CEP63: variants seen among roughly 807,000 people sequenced by gnomAD.
The protein encoded by CEP63 is centrosomal protein of 63 kDa.
CEP63 carries 84 observed loss-of-function variants against 89.1 expected under a neutral mutation model. The observed-to-expected ratio is 0.94, with a 90% CI of 0.79 to 1.13. The LOEUF is 1.13. Ranked by LOEUF, CEP63 falls within the 50% of genes most tolerant of loss-of-function variation. The pLI, the probability that CEP63 is intolerant of heterozygous loss-of-function variation, is 0.00. For synonymous variants in CEP63, 267 were observed against 272.5 expected (o/e 0.98, Z 0.20); for missense variants, 838 against 813.3 (o/e 1.03, Z -0.37).
At chr3:134,680,367 G>A in the CEP63 span, among the ~76,000 whole-genome samples, 9 of 152,290 alleles carry the variant, frequency 5.9e-5, no homozygotes, top group South Asian at 1.2e-3. Context: ...CCAAAACAAA[G>A]GCCATTGGGG....
At chr3:134,525,649 A>G (rs540311458) in intron 3 of CEP63, among the ~76,000 whole-genome samples, 93 of 152,208 alleles carry the variant, frequency 6.1e-4, no homozygotes, top group Middle Eastern at 3.4e-3. Context: ...CTGTTTTTGT[A>G]GTGGCTGTTA....
intron 12 of CEP63, among the ~76,000 whole-genome samples, chr3:134,554,834 G>A (rs1955796329): frequency 6.6e-6 from 1 of 152,134 alleles, no homozygotes; most frequent in Non-Finnish European, 1.5e-5. Context: ...CTGATGGCCA[G>A]TGATGATGAG....
At chr3:134,592,412 A>G (rs1288099465), downstream of CEP63, among the ~76,000 whole-genome samples, 1 of 151,794 alleles carries the variant, frequency 6.6e-6, no homozygotes, top group African/African-American at 2.4e-5. Context: ...TGAATGTAGG[A>G]GCACCAAAGA....
chr3:134,678,382 C>G, the CEP63 span, among the ~76,000 whole-genome samples: 1 of 152,192 alleles, frequency 6.6e-6, no homozygotes, highest in African/African-American at 2.4e-5. Context: ...CCACAACCCT[C>G]TGGACTTGTC....
chr3:134,755,989 C>A, the CEP63 span, among the ~76,000 whole-genome samples: 1 of 152,200 alleles, frequency 6.6e-6, no homozygotes, highest in African/African-American at 2.4e-5. Context: ...ACAAGGGAAG[C>A]TTTATTTAGT....
the CEP63 span, among the ~76,000 whole-genome samples, chr3:134,773,375 C>T: frequency 6.6e-6 from 1 of 152,162 alleles, no homozygotes. Context: ...TGAGAAGGAC[C>T]TTTGGAGGCC....
chr3:134,506,730 G>T (rs940147000), intron 2 of CEP63, among the ~76,000 whole-genome samples: 8 of 151,968 alleles, frequency 5.3e-5, no homozygotes, highest in Non-Finnish European at 1.2e-4. Context: ...AACCAGCCTG[G>T]CCTACATGGC....
At chr3:134,781,829 C>T in the CEP63 span, among the ~76,000 whole-genome samples, 3 of 152,156 alleles carry the variant, frequency 2.0e-5, no homozygotes, top group Non-Finnish European at 2.9e-5. Flanking sequence ...ATCTTGCTGT[C>T]TGTGGCCTAA....
chr3:134,727,878 CT>C, the CEP63 span, among the ~76,000 whole-genome samples: 1 of 152,052 alleles, frequency 6.6e-6, no homozygotes, highest in Non-Finnish European at 1.5e-5. Context: ...ATTTTTTCTA[CT>C]TTGGGGTCTG....
At chr3:134,629,936 C>A in the CEP63 span, among the ~76,000 whole-genome samples, 107 of 152,248 alleles carry the variant, frequency 7.0e-4, no homozygotes, top group Admixed American at 1.1e-3. Flanking sequence ...CAATTATAAA[C>A]AATGTACTGA....
chr3:134,567,062 A>G (rs1028299518), downstream of CEP63, among the ~76,000 whole-genome samples: 6 of 152,150 alleles, frequency 3.9e-5, no homozygotes, highest in Admixed American at 1.3e-4. Flanking sequence ...TATCCATGTA[A>G]TGGAATGTTA....
At chr3:134,605,378 G>A in the CEP63 span, among the ~76,000 whole-genome samples, 50 of 152,290 alleles carry the variant, frequency 3.3e-4, 1 homozygote, top group East Asian at 9.5e-3. Flanking sequence ...AAAGGAAGGA[G>A]AGAGGCTGTC....
At chr3:134,486,462 T>A (rs1314639233) in intron 1 of CEP63, 2 of 985,456 alleles carry the variant, frequency 2.0e-6, no homozygotes, top group Middle Eastern at 5.2e-4. Flanking sequence ...TGGCGGAGTC[T>A]GGCGTGGCGC....
chr3:134,494,196 A>G (rs1184612932), intron 1 of CEP63, among the ~76,000 whole-genome samples: 2 of 150,342 alleles, frequency 1.3e-5, no homozygotes, highest in African/African-American at 2.5e-5. Flanking sequence ...GATCACTGCA[A>G]CCTCCGCCTC....
the CEP63 span, among the ~76,000 whole-genome samples, chr3:134,770,679 C>G: frequency 6.6e-6 from 1 of 152,152 alleles, no homozygotes; most frequent in African/African-American, 2.4e-5. Context: ...CATCGCTTAC[C>G]TGTGTTGTAG....
the CEP63 span, among the ~76,000 whole-genome samples, chr3:134,664,669 T>TA: frequency 1.6e-5 from 2 of 124,658 alleles, no homozygotes; most frequent in African/African-American, 3.6e-5. Context: ...TTTAAGCAGT[T>TA]TTGTGTGTGT....
At chr3:134,603,344 C>T in the CEP63 span, 3 of 457,020 alleles carry the variant, frequency 6.6e-6, no homozygotes, top group Non-Finnish European at 7.7e-6. Flanking sequence ...TTACATAGCA[C>T]CTTTTCCTTC....
At chr3:134,690,630 T>C in the CEP63 span, among the ~76,000 whole-genome samples, 1 of 152,108 alleles carries the variant, frequency 6.6e-6, no homozygotes, top group African/African-American at 2.4e-5. Context: ...GATCTCAAAC[T>C]CTTTGGTCTC....
the CEP63 span, among the ~76,000 whole-genome samples, chr3:134,728,493 A>C: frequency 6.6e-6 from 1 of 152,328 alleles, no homozygotes; most frequent in East Asian, 1.9e-4. Context: ...AGCTACTTAG[A>C]TAATTTTCAG....
Sources: allele counts gnomAD v4.1 joint callset (sites outside exome capture counted in the v4.1 genomes callset), GRCh38; gene constraint gnomAD v4.1.1; transcripts MANE v1.5; gene names NCBI Gene and HGNC (gene_info 2026-07-23, HGNC 2026-07-21).